Variants in SLC4A2 observed in about 807,000 individuals in gnomAD.
SLC4A2 encodes the protein anion exchange protein 2.
A neutral mutation model predicts 115.0 loss-of-function variants in SLC4A2; 36 were observed. The ratio of observed to expected loss-of-function variants is 0.31; its 90% CI spans 0.24 to 0.41. SLC4A2 has a LOEUF of 0.41. SLC4A2 is among the 10% of genes least tolerant of loss of function. SLC4A2 has a pLI of 1.00. For missense variants in SLC4A2, 1,252 were observed against 1,705.6 expected (o/e 0.73, Z 4.68); for synonymous variants, 708 against 708.3 (o/e 1.00, Z 0.01).
chr7:151,070,950 C>T, intron 12 of SLC4A2, 39 bp downstream of exon 12: 1 of 1,604,278 alleles, frequency 6.2e-7, no homozygotes, highest in Non-Finnish European at 8.5e-7. Flanking sequence ...CTTCCTGGAG[C>T]CCATCCTAGG....
At chr7:151,062,629 CCCTGCCGG>C (rs1468730239) in intron 2 of SLC4A2, 1 of 1,522,264 alleles carries the variant, frequency 6.6e-7, no homozygotes. Context: ...TCAGGTTCAC[CCCTGCCGG>C]CCATGGACTT....
rs781213153 is a variant in SLC4A2 at position 151,071,472 on chromosome 7, C to T, written c.2058C>T (p.Ile686=). 2 of 1,611,704 alleles carry T rather than the reference C, an allele frequency of 1.2e-6. No individual in the cohort carries two copies. Among genetic ancestry groups the T allele is most frequent in the South Asian group, 1.1e-5 (1 of 91,058 alleles). The change falls in exon 14 of 23, where the codon ATC becomes ATT. Residue 686 remains isoleucine (I), a synonymous_variant. Transcript: ENST00000413384. The surrounding 1 kb of genome is among the most constrained non-coding windows in gnomAD (Gnocchi z 5.5). Reference sequence around the variant, plus strand: ...CGGGGCGGCCCTTTGGGGGGCTGATCCGAGATGTGCGGCGCCGCTATCCCC... The same window carrying T: ...CGGGGCGGCCCTTTGGGGGGCTGATTCGAGATGTGCGGCGCCGCTATCCCC... ...RRTGRPFGGL[I]RDVRRRYPHY... is the part of the protein sequence containing the mutation.
At chr7:151,064,146 C>T (rs1219124495) in intron 2 of SLC4A2, 56 bp from the exon 3 acceptor site, 21 of 1,573,730 alleles carry the variant, frequency 1.3e-5, no homozygotes, top group African/African-American at 2.7e-5. Flanking sequence ...GGTGAGGTTT[C>T]GGGGTACAAT....
chr7:151,069,155 A>AAAAAAG (rs1797341755), intron 8 of SLC4A2, among the ~76,000 whole-genome samples: 1 of 148,094 alleles, frequency 6.8e-6, no homozygotes, highest in African/African-American at 2.5e-5. Context: ...AAAAAAAAAA[A>AAAAAAG]AAAAGCAGCT....
chr7:151,071,057 A>AT lies in SLC4A2; in HGVS notation c.1750-14dup, dbSNP rs1262513235. 6.2e-7 allele frequency: 1 copy of AT among 1,611,576 alleles called. No individual in the cohort carries two copies. Among genetic ancestry groups the AT allele is most frequent in the Non-Finnish European group, 8.5e-7 (1 of 1,179,314 alleles). Reference sequence around the variant, plus strand: ...CTTCTTTGTGCTCTCCCCCATCCCCATGCTGCTTTGGCAGCAATTCCACGA... The same window carrying AT: ...CTTCTTTGTGCTCTCCCCCATCCCCATTGCTGCTTTGGCAGCAATTCCACGA... On this transcript the variant is annotated splice_polypyrimidine_tract_variant and intron_variant, in intron 12 of 22. Transcript: ENST00000413384. The surrounding 1 kb of genome is among the most constrained non-coding windows in gnomAD (Gnocchi z 5.5).
intron 2 of SLC4A2, chr7:151,062,457 C>G (rs930141861): frequency 1.5e-5 from 17 of 1,128,554 alleles, no homozygotes; most frequent in Non-Finnish European, 1.1e-5. Context: ...GCCCGCCCCT[C>G]CCTGCCCCCA....
intron 8 of SLC4A2, 26 bp downstream of exon 8, chr7:151,068,080 G>A (rs984159608): frequency 1.6e-5 from 23 of 1,423,330 alleles, no homozygotes; most frequent in South Asian, 6.4e-5. Context: ...TCCACCTCCC[G>A]CCTGGCCAGT....
In SLC4A2 at chr7:151,071,110, G is replaced by A. The variant is rs1198623922; in HGVS notation, c.1788G>A (p.Glu596=). Residue 596 remains glutamate (E), a synonymous_variant, in exon 13 of 23, where the codon GAG becomes GAA. Coordinates refer to ENST00000413384, the MANE Select transcript of SLC4A2 (RefSeq NM_003040.4). The surrounding 1 kb of genome is among the most constrained non-coding windows in gnomAD (Gnocchi z 5.5). ...CAGCCTACCTGGCTGACGAGCGGGAGGACCTGCTGACGGCCATCAACGCCT... is the reference window on the plus strand; with the variant it reads ...CAGCCTACCTGGCTGACGAGCGGGAAGACCTGCTGACGGCCATCAACGCCT... ...HEAAYLADER[E]DLLTAINAFL... is the part of the protein sequence containing the mutation. 6.2e-7 allele frequency: 1 copy of A among 1,612,666 alleles called. No homozygotes were observed. Among genetic ancestry groups the A allele is most frequent in the Non-Finnish European group, 8.5e-7 (1 of 1,180,032 alleles).
chr7:151,069,581 A>G (rs896042675), intron 8 of SLC4A2, among the ~76,000 whole-genome samples: 1 of 152,014 alleles, frequency 6.6e-6, no homozygotes, highest in Admixed American at 6.5e-5. Context: ...CTTAGAGGAG[A>G]GTTTTCTAAC....
chr7:151,065,422 C>G (rs950012039), intron 5 of SLC4A2, among the ~76,000 whole-genome samples: 1 of 152,198 alleles, frequency 6.6e-6, no homozygotes, highest in African/African-American at 2.4e-5. Context: ...CCAACACACG[C>G]TGGTTGGAAA....
At chr7:151,068,982 A>G (rs559006917) in intron 8 of SLC4A2, among the ~76,000 whole-genome samples, 28 of 151,884 alleles carry the variant, frequency 1.8e-4, no homozygotes, top group Middle Eastern at 6.8e-3. Flanking sequence ...TACTAAAAAT[A>G]CAAAAAATTA....
chr7:151,073,188 A>G (rs938422512), intron 16 of SLC4A2, among the ~76,000 whole-genome samples: 13 of 152,180 alleles, frequency 8.5e-5, no homozygotes, highest in South Asian at 2.1e-4. Flanking sequence ...GTCTCAAGCA[A>G]TCCTCCTGCC....
intron 21 of SLC4A2, 56 bp from the exon 22 acceptor site, chr7:151,075,957 C>A (rs779969896): frequency 3.0e-5 from 45 of 1,519,854 alleles, no homozygotes; most frequent in Non-Finnish European, 3.7e-5. Context: ...AAGAGAGAGG[C>A]TCTTCCCAGC....
In SLC4A2 at chr7:151,062,830, G is replaced by A. The variant is rs553348661; in HGVS notation, c.51+792G>A. The stretch of plus-strand genomic sequence containing the variant: ...ACAGAGGGGAGAAGCCAGCCCCCTG[G>A]CCCGCTCACCTTCTCTTATCCGGTG... On this transcript the variant is annotated intron_variant, in intron 2 of 22. Coordinates refer to ENST00000413384, the MANE Select transcript of SLC4A2 (RefSeq NM_003040.4). The A allele has an allele frequency of 1.7e-5, 24 of 1,377,272 alleles. No homozygotes were observed. The African/African-American group carries it at 2.6e-4, about 15-fold the overall frequency. 85.3% of individuals were successfully genotyped at this position (1,377,272 alleles called of 1,614,324 possible).
rs1416602106 is a variant in SLC4A2, at chr7:151,070,823, G to A, written c.1661G>A (p.Arg554His). 1.2e-6 allele frequency: 2 copies of A among 1,613,976 alleles called. No homozygotes were observed. Among genetic ancestry groups the A allele is most frequent in the East Asian group, 2.2e-5 (1 of 44,876 alleles). Residue 554 changes from arginine (R) to histidine (H), a missense_variant, in exon 12 of 23, where the codon CGT becomes CAT. Physicochemically the swap from Arg to His is conservative, Grantham distance 29 (BLOSUM62 0). This residue lies in a region of SLC4A2 where 87 missense variants were observed against 170.3 expected (regional missense o/e 0.51). Coordinates refer to ENST00000413384, the MANE Select transcript of SLC4A2 (RefSeq NM_003040.4). ...DAVLEVPVPV[R>H]FLFLLLGPSS... ...GTGTTGGAGGTGCCGGTGCCTGTGC[G>A]TTTCCTCTTCCTGCTGCTGGGCCCG...
intron 7 of SLC4A2, among the ~76,000 whole-genome samples, chr7:151,067,546 A>G (rs1467901209): frequency 1.3e-5 from 2 of 152,250 alleles, no homozygotes; most frequent in African/African-American, 2.4e-5. Flanking sequence ...AAGGCCTGCA[A>G]AACGCCATTG....
chr7:151,076,403 AGG>A lies in SLC4A2; in HGVS notation c.*39_*40del. 1 of 1,446,178 alleles carries A rather than the reference AGG, an allele frequency of 6.9e-7. No homozygotes were observed. The highest frequency in any genetic ancestry group is 1.5e-5 in the South Asian group (1 of 67,402). The allele number at this position is 1,446,178 out of a possible 1,614,324, so 89.6% of individuals were successfully genotyped here. The stretch of plus-strand genomic sequence containing the variant: ...GGGACAGCCGAGGGACCGATGGACG[AGG>A]GGACAGGCTGGTGGGATGGGGTTCC... On this transcript the variant is annotated 3_prime_UTR_variant, in exon 23 of 23. Transcript: ENST00000413384.
chr7:151,058,873 C>T (rs970690950), upstream of SLC4A2: 1 of 152,222 alleles, frequency 6.6e-6, no homozygotes, highest in Non-Finnish European at 1.5e-5. Flanking sequence ...GAAAAGGATC[C>T]CAAACAGCAC....
chr7:151,071,395 C>A lies in SLC4A2; in HGVS notation c.1981C>A (p.Leu661Met). 6.3e-7 allele frequency: 1 copy of A among 1,594,636 alleles called. No homozygotes were observed. The stretch of plus-strand genomic sequence containing the variant: ...GACGGAGGCCTGGGTTGCAGCGCTC[C>A]TGCAGATGGTAGAGGCGGCAGGGGC... ...EPKSAQDKAL[L>M]QMVEAAGAAE... Residue 661 changes from leucine (L) to methionine (M), a missense_variant, in exon 14 of 23, where the codon CTG (leucine) becomes ATG (methionine). Around this residue, in one of 14 missense-constraint regions of SLC4A2, gnomAD observed 122 missense variants for 116.8 expected, o/e 1.04. Transcript: ENST00000413384. The surrounding 1 kb of genome is among the most constrained non-coding windows in gnomAD (Gnocchi z 5.5).
Sources: gnomAD v4.1 joint callset for allele counts (sites outside exome capture counted in the v4.1 genomes callset) on GRCh38, gnomAD v4.1.1 for gene constraint, gnomAD v4.1.1 regional missense constraint, Gnocchi (gnomAD v3.1) non-coding constraint, MANE v1.5 for transcripts, NCBI Gene and HGNC (gene_info 2026-07-23, HGNC 2026-07-21) for gene names.